CDK14: variants seen among roughly 807,000 people sequenced by gnomAD.
CDK14 encodes the protein cyclin-dependent kinase 14.
In CDK14, 34 loss-of-function variants were observed where a neutral mutation model predicts 60.7. The observed-to-expected ratio is 0.56, with a 90% confidence interval of 0.43 to 0.75. The LOEUF (loss-of-function observed/expected upper bound fraction) is 0.75, where lower values mean the gene tolerates loss of function less well. CDK14 is among the 30% of genes least tolerant of loss of function. The pLI is 0.00. For synonymous variants in CDK14, 197 were observed against 203.7 expected (o/e 0.97, Z 0.28); for missense variants, 482 against 564.1 (o/e 0.85, Z 1.47).
At chr7:90,967,865 C>T (rs1794802708) in intron 9 of CDK14, among the ~76,000 whole-genome samples, 1 of 152,084 alleles carries the variant, frequency 6.6e-6, no homozygotes, top group Admixed American at 6.6e-5. Context: ...CTTATATGCA[C>T]AGGAAAGACA....
intron 2 of CDK14, among the ~76,000 whole-genome samples, chr7:90,664,399 G>A (rs1021474519): frequency 6.6e-6 from 1 of 152,128 alleles, no homozygotes; most frequent in Non-Finnish European, 1.5e-5. Flanking sequence ...CAGGGATCTA[G>A]AACTAGAAAT....
intron 2 of CDK14, among the ~76,000 whole-genome samples, chr7:90,658,591 A>G (rs892938615): frequency 6.6e-6 from 1 of 152,314 alleles, no homozygotes; most frequent in East Asian, 1.9e-4. Context: ...TCTTTCATTT[A>G]ACATGTTTTC....
At chr7:90,802,041 G>A (rs1788658590) in intron 5 of CDK14, among the ~76,000 whole-genome samples, 1 of 152,134 alleles carries the variant, frequency 6.6e-6, no homozygotes, top group South Asian at 2.1e-4. Context: ...GGGGCTCCTG[G>A]GACATAACCT....
At chr7:90,931,451 A>G (rs966369572) in intron 8 of CDK14, among the ~76,000 whole-genome samples, 3 of 152,206 alleles carry the variant, frequency 2.0e-5, no homozygotes, top group African/African-American at 7.2e-5. Flanking sequence ...AACACCTTTT[A>G]AAGTGATGGA....
chr7:90,881,337 A>T (rs1286505309), intron 6 of CDK14, among the ~76,000 whole-genome samples: 1 of 152,208 alleles, frequency 6.6e-6, no homozygotes, highest in Non-Finnish European at 1.5e-5. Context: ...CAGAAAGAAG[A>T]AAGGATATCA....
intron 10 of CDK14, among the ~76,000 whole-genome samples, chr7:91,024,903 C>T (rs557146027): frequency 1.3e-5 from 2 of 152,302 alleles, no homozygotes; most frequent in East Asian, 1.9e-4. Flanking sequence ...CTCCCATGAA[C>T]ACTCCTTATA....
chr7:90,646,509 A>G (rs1296172281), intron 2 of CDK14, among the ~76,000 whole-genome samples: 1 of 152,126 alleles, frequency 6.6e-6, no homozygotes, highest in African/African-American at 2.4e-5. Context: ...AAAATATAAC[A>G]TATGCATATC....
intron 2 of CDK14, among the ~76,000 whole-genome samples, chr7:90,656,327 G>C (rs931259584): frequency 6.6e-6 from 1 of 151,608 alleles, no homozygotes; most frequent in African/African-American, 2.4e-5. Flanking sequence ...TGGTAGCCCA[G>C]AATCTTCCTT....
chr7:90,622,156 G>T (rs2116374948), intron 2 of CDK14, among the ~76,000 whole-genome samples: 1 of 152,326 alleles, frequency 6.6e-6, no homozygotes, highest in East Asian at 1.9e-4. Flanking sequence ...GCTTAGAGCA[G>T]GTATTTACTA....
intron 5 of CDK14, among the ~76,000 whole-genome samples, chr7:90,806,738 C>T (rs539596830): frequency 9.9e-5 from 15 of 151,386 alleles, no homozygotes; most frequent in East Asian, 3.9e-4. Flanking sequence ...GGGTGACAGA[C>T]GGCACCTGGA....
chr7:90,848,282 G>A (rs1054560404), intron 5 of CDK14, among the ~76,000 whole-genome samples: 1 of 152,034 alleles, frequency 6.6e-6, no homozygotes, highest in Admixed American at 6.6e-5. Flanking sequence ...TTTTAGTAGA[G>A]GTGAGGTTTC....
intron 2 of CDK14, among the ~76,000 whole-genome samples, chr7:90,672,502 GTTTTTTTTTTTT>G (rs201978996): frequency 3.4e-4 from 17 of 49,986 alleles, no homozygotes; most frequent in South Asian, 1.1e-3. Context: ...TTCTTCTTCT[GTTTTTTTTTTTT>G]TTTTTTTTTT....
chr7:90,833,445 G>A (rs2117118723), intron 5 of CDK14, among the ~76,000 whole-genome samples: 1 of 152,274 alleles, frequency 6.6e-6, no homozygotes, highest in South Asian at 2.1e-4. Flanking sequence ...TTTCCTGTTT[G>A]CAACCACTCA....
intron 9 of CDK14, among the ~76,000 whole-genome samples, chr7:90,965,739 A>G (rs916316083): frequency 2.6e-5 from 4 of 152,102 alleles, no homozygotes; most frequent in Non-Finnish European, 5.9e-5. Context: ...CCTTTATTCT[A>G]CTCTCACAAA....
At chr7:91,169,952 T>C (rs1210346350) in intron 14 of CDK14, among the ~76,000 whole-genome samples, 1 of 152,242 alleles carries the variant, frequency 6.6e-6, no homozygotes, top group Non-Finnish European at 1.5e-5. Context: ...GCTAATGTTT[T>C]CCTGCTGAGC....
At position 90,973,947 on chromosome 7, in the gene CDK14, G is replaced by C. The variant is rs551250663; in HGVS notation, c.948-10201G>C. 3.9e-5 allele frequency among the ~76,000 whole-genome samples: 6 copies of C among 152,200 alleles called. No individual in the cohort carries two copies. In the South Asian group the frequency reaches 1.2e-3, roughly 32 times the overall value. ...CGGTCTGACTAGAATTCACCAGGCT[G>C]GAATTTCCCAATCCTAGTAAGCCTG... On this transcript the variant is annotated intron_variant, in intron 9 of 14. Transcript: ENST00000380050.
chr7:91,027,647 C>CT (rs1187501590), intron 10 of CDK14, among the ~76,000 whole-genome samples: 1 of 151,730 alleles, frequency 6.6e-6, no homozygotes, highest in Non-Finnish European at 1.5e-5. Context: ...GGAGCTGATT[C>CT]TTTTTTTGTT....
chr7:90,748,558 A>G (rs1464289892), intron 4 of CDK14, among the ~76,000 whole-genome samples: 2 of 152,206 alleles, frequency 1.3e-5, no homozygotes, highest in Admixed American at 1.3e-4. Flanking sequence ...TGTCCCTGTT[A>G]TCTCTTTTCA....
intron 3 of CDK14, among the ~76,000 whole-genome samples, chr7:90,736,244 G>A (rs987767682): frequency 1.3e-5 from 2 of 151,290 alleles, no homozygotes; most frequent in African/African-American, 4.9e-5. Context: ...GCTGGGAGCT[G>A]CAGATGGGAG....
Sources: allele counts gnomAD v4.1 joint callset (sites outside exome capture counted in the v4.1 genomes callset), GRCh38; gene constraint gnomAD v4.1.1; transcripts MANE v1.5; gene names NCBI Gene and HGNC (gene_info 2026-07-23, HGNC 2026-07-21).